Variants in RBFOX1 observed in about 807,000 individuals in gnomAD.
RBFOX1 encodes the protein RNA binding protein fox-1 homolog 1.
In RBFOX1, 8 loss-of-function variants were observed where a neutral mutation model predicts 57.7. The observed-to-expected ratio is 0.14, with a 90% CI of 0.08 to 0.25. RBFOX1 has a LOEUF of 0.25. Ranked by LOEUF, RBFOX1 falls within the 10% of genes least tolerant of loss-of-function variation. The pLI is 1.00. For missense variants in RBFOX1, 611 were observed against 548.5 expected (o/e 1.11, Z -1.14); for synonymous variants, 326 against 222.4 (o/e 1.47, Z -4.15).
chr16:5,966,581 A>C (rs149182887), intron 4 of RBFOX1, among the ~76,000 whole-genome samples: 113 of 152,302 alleles, frequency 7.4e-4, no homozygotes, highest in African/African-American at 2.6e-3. Context: ...CAGCCTCCCA[A>C]GTAGCTGGGA....
intron 3 of RBFOX1, among the ~76,000 whole-genome samples, chr16:5,700,522 A>C (rs886761354): frequency 6.6e-6 from 1 of 152,158 alleles, no homozygotes; most frequent in African/African-American, 2.4e-5. Context: ...GTCAGCTTTT[A>C]AGATCTTTAC....
At chr16:5,336,408 C>T (rs1478213745) in intron 1 of RBFOX1, among the ~76,000 whole-genome samples, 3 of 152,200 alleles carry the variant, frequency 2.0e-5, no homozygotes, top group African/African-American at 7.2e-5. Context: ...ATCGGTAAAA[C>T]AGGGATGATG....
chr16:5,922,280 C>T (rs1489400845), intron 4 of RBFOX1, among the ~76,000 whole-genome samples: 1 of 152,168 alleles, frequency 6.6e-6, no homozygotes, highest in Non-Finnish European at 1.5e-5. Context: ...GATTCAACAC[C>T]TGCCATCTCC....
Position 7,627,935 on chromosome 16 carries a change from G to A in RBFOX1, c.677-2668G>A, listed in dbSNP as rs1054733394. 4.0e-5 allele frequency among the ~76,000 whole-genome samples: 6 copies of A among 149,638 alleles called. 1 individual carries two copies. The highest frequency in any genetic ancestry group is 4.2e-4 in the South Asian group (2 of 4,750). On this transcript the variant is annotated intron_variant, in intron 10 of 15. Transcript: ENST00000550418. ...AAAGATTTTTTTTTTTTTTAACTAC[G>A]AAGAAAGTATCCAAAGAAAATATTT...
At chr16:6,892,372 A>C (rs995200051) in intron 3 of RBFOX1, among the ~76,000 whole-genome samples, 1 of 152,168 alleles carries the variant, frequency 6.6e-6, no homozygotes, top group African/African-American at 2.4e-5. Flanking sequence ...AATATCTTAA[A>C]ATATCCAAAG....
intron 4 of RBFOX1, among the ~76,000 whole-genome samples, chr16:7,246,635 T>C (rs922033423): frequency 3.5e-5 from 1 of 28,188 alleles, no homozygotes; most frequent in African/African-American, 6.6e-4. Flanking sequence ...GTCACCTCCT[T>C]TTTTTTTTTT....
chr16:6,875,110 A>G (rs2061599812), intron 3 of RBFOX1, among the ~76,000 whole-genome samples: 1 of 152,150 alleles, frequency 6.6e-6, no homozygotes, highest in East Asian at 1.9e-4. Flanking sequence ...TTATCAATTG[A>G]CTGTGTTACC....
chr16:7,350,089 G>A (rs919078541), intron 4 of RBFOX1, among the ~76,000 whole-genome samples: 1 of 152,176 alleles, frequency 6.6e-6, no homozygotes, highest in Non-Finnish European at 1.5e-5. Context: ...AGAGGTTGCA[G>A]TGAGCCGAGA....
chr16:6,554,747 CACACACACACAG>C (rs920717760), intron 2 of RBFOX1, among the ~76,000 whole-genome samples: 2 of 149,852 alleles, frequency 1.3e-5, no homozygotes, highest in African/African-American at 5.0e-5. Context: ...CACACACACA[CACACACACACAG>C]ACACACACAC....
intron 1 of RBFOX1, among the ~76,000 whole-genome samples, chr16:5,337,998 T>C (rs2064940932): frequency 6.6e-6 from 1 of 152,148 alleles, no homozygotes; most frequent in African/African-American, 2.4e-5. Context: ...GAACTATGAT[T>C]GCACCATTGC....
intron 3 of RBFOX1, among the ~76,000 whole-genome samples, chr16:6,961,456 G>A (rs920081893): frequency 6.6e-6 from 1 of 152,176 alleles, no homozygotes; most frequent in African/African-American, 2.4e-5. Context: ...TCAGAAAGGG[G>A]TCCCGATCAA....
intron 3 of RBFOX1, among the ~76,000 whole-genome samples, chr16:6,992,312 G>C (rs1389554480): frequency 6.6e-6 from 1 of 152,060 alleles, no homozygotes; most frequent in Non-Finnish European, 1.5e-5. Context: ...CTGCCTCCCA[G>C]GTTCAAGCAA....
chr16:6,391,090 A>C (rs962736763), intron 2 of RBFOX1, among the ~76,000 whole-genome samples: 5 of 152,140 alleles, frequency 3.3e-5, no homozygotes, highest in African/African-American at 1.2e-4. Context: ...ACATTTGCCA[A>C]ATGTCCCCTC....
At chr16:5,728,794 C>T (rs2052249977) in intron 3 of RBFOX1, among the ~76,000 whole-genome samples, 1 of 152,158 alleles carries the variant, frequency 6.6e-6, no homozygotes, top group South Asian at 2.1e-4. Flanking sequence ...CCACTGTGTT[C>T]TGCTGGCCCC....
At chr16:7,336,593 A>T (rs2096792776) in intron 4 of RBFOX1, among the ~76,000 whole-genome samples, 1 of 152,260 alleles carries the variant, frequency 6.6e-6, no homozygotes, top group Non-Finnish European at 1.5e-5. Flanking sequence ...TGGAAGAACT[A>T]GTAGGTAAAC....
chr16:6,786,415 T>G (rs538842299), intron 3 of RBFOX1, among the ~76,000 whole-genome samples: 1 of 152,298 alleles, frequency 6.6e-6, no homozygotes, highest in Admixed American at 6.5e-5. Context: ...TGCATCATTT[T>G]TCAGGAGGTA....
chr16:7,529,480 G>A (rs1356782748), intron 5 of RBFOX1, among the ~76,000 whole-genome samples: 1 of 152,226 alleles, frequency 6.6e-6, no homozygotes, highest in African/African-American at 2.4e-5. Context: ...CCTGTCCACA[G>A]GATGTGGTCC....
At chr16:7,426,513 C>T (rs1364820351) in intron 4 of RBFOX1, among the ~76,000 whole-genome samples, 1 of 152,168 alleles carries the variant, frequency 6.6e-6, no homozygotes, top group African/African-American at 2.4e-5. Context: ...TCTGACTCTC[C>T]AGCATGCAGC....
At chr16:7,599,935 C>G (rs1193813104) in intron 9 of RBFOX1, among the ~76,000 whole-genome samples, 1 of 152,044 alleles carries the variant, frequency 6.6e-6, no homozygotes, top group Non-Finnish European at 1.5e-5. Context: ...CCACTTCTGG[C>G]CTAGCCTTTT....
Sources: gnomAD v4.1 joint callset for allele counts (sites outside exome capture counted in the v4.1 genomes callset) on GRCh38, gnomAD v4.1.1 for gene constraint, MANE v1.5 for transcripts, NCBI Gene and HGNC (gene_info 2026-07-23, HGNC 2026-07-21) for gene names.